Variants in AXDND1 observed in about 807,000 individuals in gnomAD.
AXDND1 encodes axonemal dynein light chain domain-containing protein 1.
AXDND1 carries 110 observed loss-of-function variants against 137.5 expected under a neutral mutation model. The ratio of observed to expected loss-of-function variants is 0.80; its 90% CI spans 0.69 to 0.94. The LOEUF is 0.94. AXDND1 is among the 40% of genes least tolerant of loss of function. AXDND1 has a pLI of 0.00. For synonymous variants in AXDND1, 414 were observed against 399.7 expected (o/e 1.04, Z -0.43); for missense variants, 1,191 against 1,169.8 (o/e 1.02, Z -0.26).
intron 17 of AXDND1, among the ~76,000 whole-genome samples, chr1:179,472,776 T>TCTATTTATCTATTTAAA (rs1664124610): frequency 6.6e-6 from 1 of 152,210 alleles, no homozygotes; most frequent in Non-Finnish European, 1.5e-5. Context: ...ACTTTTTAAA[T>TCTATTTATCTATTTAAA]TTTAAAATCT....
intron 15 of AXDND1, among the ~76,000 whole-genome samples, chr1:179,433,883 G>T (rs1657749552): frequency 6.6e-6 from 1 of 152,196 alleles, no homozygotes; most frequent in African/African-American, 2.4e-5. Context: ...ACTTGATCCA[G>T]AGCTGAGTTC....
At chr1:179,534,592 A>G (rs952801442) in intron 24 of AXDND1, 138 bp from the exon 25 acceptor site, 86 of 1,128,130 alleles carry the variant, frequency 7.6e-5, no homozygotes, top group Middle Eastern at 3.1e-4. Flanking sequence ...TCAGTTAATC[A>G]TTGATGCTGT....
chr1:179,490,883 G>A (rs978378240), intron 18 of AXDND1, among the ~76,000 whole-genome samples: 23 of 151,952 alleles, frequency 1.5e-4, no homozygotes, highest in African/African-American at 5.6e-4. Context: ...TTCATGCTGT[G>A]TCTGGTAGAT....
intron 21 of AXDND1, among the ~76,000 whole-genome samples, chr1:179,514,357 CG>C (rs1391118202): frequency 6.6e-6 from 1 of 152,010 alleles, no homozygotes; most frequent in Non-Finnish European, 1.5e-5. Context: ...GGTTATTTAA[CG>C]TCCATGTATT....
chr1:179,504,888 C>A lies in AXDND1; in HGVS notation c.2389-4408C>A, dbSNP rs1668381588. ...GGCTGTAACTGAGCCTATGCAAAGG[C>A]CTTCTTCTGCTAAGAAAATGCATAT... On this transcript the variant is annotated intron_variant, in intron 20 of 25. Transcript: ENST00000367618. Among the ~76,000 whole-genome samples the A allele has an allele frequency of 2.6e-5, 4 of 152,202 alleles. No individual in the cohort carries two copies. In the South Asian group the frequency reaches 8.3e-4, roughly 32 times the overall value.
At chr1:179,527,545 G>A (rs16854229) in intron 22 of AXDND1, among the ~76,000 whole-genome samples, 15,723 of 152,090 alleles carry the variant, frequency 0.1, 1,133 homozygotes, top group East Asian at 0.35. Context: ...AGTTACACTA[G>A]AGAATAATAA....
chr1:179,397,692 C>CT (rs1050286563), intron 11 of AXDND1, among the ~76,000 whole-genome samples: 31 of 152,096 alleles, frequency 2.0e-4, no homozygotes, highest in Non-Finnish European at 3.1e-4. Flanking sequence ...CCTTTTTATT[C>CT]TTTTTTCTCT....
At chr1:179,419,816 T>A (rs758617264) in intron 12 of AXDND1, among the ~76,000 whole-genome samples, 2 of 152,242 alleles carry the variant, frequency 1.3e-5, no homozygotes, top group Non-Finnish European at 2.9e-5. Flanking sequence ...TTGAAATATA[T>A]TGAATTTGTT....
At chr1:179,419,815 A>G (rs1177375619) in intron 12 of AXDND1, among the ~76,000 whole-genome samples, 3 of 152,240 alleles carry the variant, frequency 2.0e-5, no homozygotes, top group Non-Finnish European at 4.4e-5. Flanking sequence ...CTTGAAATAT[A>G]TTGAATTTGT....
chr1:179,538,523 G>T (rs1301492908), intron 25 of AXDND1, among the ~76,000 whole-genome samples: 1 of 152,160 alleles, frequency 6.6e-6, no homozygotes, highest in African/African-American at 2.4e-5. Flanking sequence ...TCTTAATCCT[G>T]AGTTCTAATT....
At chr1:179,488,141 A>G (rs9787118) in intron 18 of AXDND1, among the ~76,000 whole-genome samples, 73,311 of 146,742 alleles carry the variant, frequency 0.5, 21,507 homozygotes, top group East Asian at 0.76. Context: ...ACAGTGTAGC[A>G]TTCCTATATT....
chr1:179,432,191 T>G, intron 14 of AXDND1, 76 bp from the exon 15 acceptor site: 1 of 1,444,736 alleles, frequency 6.9e-7, no homozygotes, highest in Non-Finnish European at 9.2e-7. Flanking sequence ...AGTTGTTTAG[T>G]CTTTAGTGTG....
intron 16 of AXDND1, among the ~76,000 whole-genome samples, chr1:179,446,493 C>T (rs540166567): frequency 5.3e-4 from 81 of 152,312 alleles, no homozygotes; most frequent in African/African-American, 1.8e-3. Context: ...CCTCCAGTCT[C>T]CTTGGTACAC....
chr1:179,433,635 A>G (rs1454839328), intron 15 of AXDND1, among the ~76,000 whole-genome samples: 2 of 152,212 alleles, frequency 1.3e-5, no homozygotes, highest in African/African-American at 4.8e-5. Context: ...GGAGTCATTC[A>G]GGAGCAGGTT....
At chr1:179,375,855 C>T (rs1439408483) in intron 4 of AXDND1, among the ~76,000 whole-genome samples, 1 of 152,090 alleles carries the variant, frequency 6.6e-6, no homozygotes, top group Non-Finnish European at 1.5e-5. Flanking sequence ...CCAAGAGAAC[C>T]AGAATATCAC....
intron 21 of AXDND1, among the ~76,000 whole-genome samples, chr1:179,519,504 G>T (rs1669861394): frequency 6.6e-6 from 1 of 152,092 alleles, no homozygotes; most frequent in East Asian, 1.9e-4. Flanking sequence ...GTCTTCCAGG[G>T]TTTTTATAGT....
chr1:179,434,040 G>T (rs1204161286), intron 15 of AXDND1, among the ~76,000 whole-genome samples: 4 of 152,122 alleles, frequency 2.6e-5, no homozygotes, highest in African/African-American at 9.7e-5. Flanking sequence ...GTGCTTCTGT[G>T]TTGGGTGCAT....
At chr1:179,384,961 A>G (rs1338834041) in intron 8 of AXDND1, among the ~76,000 whole-genome samples, 1 of 152,060 alleles carries the variant, frequency 6.6e-6, no homozygotes, top group African/African-American at 2.4e-5. Flanking sequence ...ACAGGGTCTC[A>G]CCATATTGCC....
chr1:179,402,269 A>G (rs540055419), intron 11 of AXDND1, among the ~76,000 whole-genome samples: 2 of 152,026 alleles, frequency 1.3e-5, no homozygotes, highest in East Asian at 1.9e-4. Flanking sequence ...TGCCTACTCT[A>G]TATACTACTT....
Sources: gnomAD v4.1 joint callset for allele counts (sites outside exome capture counted in the v4.1 genomes callset) on GRCh38, gnomAD v4.1.1 for gene constraint, MANE v1.5 for transcripts, NCBI Gene and HGNC (gene_info 2026-07-23, HGNC 2026-07-21) for gene names.